LILRA4: variants seen among roughly 807,000 people sequenced by gnomAD.
LILRA4 encodes leukocyte immunoglobulin-like receptor subfamily A member 4.
A neutral mutation model predicts 49.5 loss-of-function variants in LILRA4; 51 were observed. The ratio of observed to expected loss-of-function variants is 1.03; its 90% CI spans 0.82 to 1.30. The LOEUF (loss-of-function observed/expected upper bound fraction) is 1.30. LILRA4 is among the 50% of genes most tolerant of loss of function. LILRA4 has a pLI of 0.00. For synonymous variants in LILRA4, 272 were observed against 265.6 expected, an observed-to-expected ratio of 1.02 and a Z score of -0.23; for missense variants, 624 against 625.6, an observed-to-expected ratio of 1.00 and a Z score of 0.03.
intron 1 of LILRA4, 69 bp from the exon 2 acceptor site, chr19:54,338,970 C>G (rs2081362624): frequency 5.6e-6 from 9 of 1,612,904 alleles, no homozygotes; most frequent in Non-Finnish European, 7.6e-6. Context: ...TTCCTTGAGC[C>G]CCTGGGATGC....
At position 54,338,289 on chromosome 19, in the gene LILRA4, T is replaced by C. The variant is rs1003612855; in HGVS notation, c.356-54A>G. On this transcript the variant is annotated intron_variant, in intron 3 of 7. Coordinates refer to ENST00000291759, the MANE Select transcript of LILRA4 (RefSeq NM_012276.5). Reference sequence around the variant, plus strand: ...TTAAATGGGGCTCACACCTCCCACCTTATCCTACAAGGCTGGGCTGTGAGA... The same window carrying C: ...TTAAATGGGGCTCACACCTCCCACCCTATCCTACAAGGCTGGGCTGTGAGA... 1.1e-5 allele frequency: 18 copies of C among 1,592,632 alleles called. No homozygotes were observed. In the African/African-American group the frequency reaches 1.9e-4, roughly 17 times the overall value.
intron 6 of LILRA4, chr19:54,334,430 C>T: frequency 6.2e-6 from 1 of 161,696 alleles, no homozygotes. Flanking sequence ...TGCAACGGCC[C>T]CCACTGTGTG....
At chr19:54,338,945 G>A in intron 1 of LILRA4, 44 bp from the exon 2 acceptor site, 1 of 1,613,946 alleles carries the variant, frequency 6.2e-7, no homozygotes, top group East Asian at 2.2e-5. Flanking sequence ...CGAAGCCTGA[G>A]CAGGTCTTCT....
chr19:54,339,041 C>A lies in LILRA4; in HGVS notation c.34+19G>T. On this transcript the variant is annotated intron_variant, in intron 1 of 7. Transcript: ENST00000291759. ...TCTCTCCTAGACTAGGGTCTCTCCTCCCCCTCTTAAGATCTCACCAAAGAA... is the reference window on the plus strand; with the variant it reads ...TCTCTCCTAGACTAGGGTCTCTCCTACCCCTCTTAAGATCTCACCAAAGAA... The A allele has an allele frequency of 6.2e-7, 1 of 1,614,034 alleles. No individual in the cohort carries two copies. Among genetic ancestry groups the A allele is most frequent in the Non-Finnish European group, 8.5e-7 (1 of 1,179,874 alleles).
chr19:54,336,438 C>G (rs2122185010), intron 6 of LILRA4: 1 of 251,862 alleles, frequency 4.0e-6, no homozygotes, highest in Non-Finnish European at 7.6e-6. Context: ...CTAATCTCAT[C>G]TCCTCCAAGG....
At chr19:54,336,468 A>T in intron 6 of LILRA4, 1 of 316,730 alleles carries the variant, frequency 3.2e-6, no homozygotes, top group Non-Finnish European at 5.8e-6. Flanking sequence ...ACCTGCTTGC[A>T]GCCCTCTCCA....
chr19:54,333,997 A>G (rs770301283), intron 6 of LILRA4, 32 bp from the exon 7 acceptor site: 1 of 1,588,926 alleles, frequency 6.3e-7, no homozygotes, highest in Non-Finnish European at 8.6e-7. Flanking sequence ...TGTTGGTGAG[A>G]AGCTGAAGAG....
intron 6 of LILRA4, chr19:54,336,380 G>A: frequency 5.1e-6 from 1 of 197,662 alleles, no homozygotes; most frequent in African/African-American, 2.3e-5. Flanking sequence ...TTCTGAGATG[G>A]AGACATCAGG....
At chr19:54,333,807 T>G (rs2081296236) in intron 7 of LILRA4, 42 bp from the exon 8 acceptor site, 1 of 1,613,290 alleles carries the variant, frequency 6.2e-7, no homozygotes, top group African/African-American at 1.3e-5. Context: ...TCAGGGCAGA[T>G]CACAATTACC....
In LILRA4 at chr19:54,337,460, C is replaced by A. The variant is rs146016522; in HGVS notation, c.892G>T (p.Ala298Ser). The A allele has an allele frequency of 5.6e-6, 9 of 1,611,888 alleles. No homozygotes were observed. The highest frequency in any genetic ancestry group is 8.5e-7 in the Non-Finnish European group (1 of 1,179,844). Residue 298 changes from alanine to serine, a missense_variant, in exon 5 of 8, where the codon GCA becomes TCA. Physicochemically the swap from Ala to Ser is moderately conservative, Grantham distance 99 (BLOSUM62 1). Coordinates refer to ENST00000291759, the MANE Select transcript of LILRA4 (RefSeq NM_012276.5). ...GACCACTCGGAGGAGACGTTGTGTG[C>A]GCCGTAGCATCTGTACTGGCCCCCG... ...SYGGQYRCYGAHNVSSEWSAP... is the reference protein window; with the variant it reads ...SYGGQYRCYGSHNVSSEWSAP...
Position 54,334,119 on chromosome 19 carries a change from T to C in LILRA4, c.1256-154A>G, listed in dbSNP as rs140493516. 328 of 634,926 alleles carry C rather than the reference T, an allele frequency of 5.2e-4. No homozygotes were observed. The African/African-American group carries it at 5.5e-3, about 11-fold the overall frequency. 39.3% of individuals were successfully genotyped at this position (634,926 alleles called of 1,614,324 possible). On this transcript the variant is annotated intron_variant, in intron 6 of 7. Transcript: ENST00000291759. ...CTCACAGGCCTCCCCTGGTACGTCA[T>C]TGGGTTTTTCAACCTCTCTGTGCTC... is the stretch of plus-strand genomic sequence containing the variant.
Position 54,338,513 on chromosome 19 carries a change from T to C in LILRA4, c.238A>G (p.Lys80Glu), listed in dbSNP as rs1452224666. 6.2e-7 allele frequency: 1 copy of C among 1,614,130 alleles called. No homozygotes were observed. The highest frequency in any genetic ancestry group is 1.7e-5 in the Admixed American group (1 of 60,020). Reference sequence around the variant, plus strand: ...ATGGATGGGATGGAGAGTTTGACCTTGTTTTCAGACTCCAGTGTTTTTAAT... The same window carrying C: ...ATGGATGGGATGGAGAGTTTGACCTCGTTTTCAGACTCCAGTGTTTTTAAT... ...HILKTLESEN[K>E]VKLSIPSMMW... Residue 80 changes from lysine to glutamate, a missense_variant, in exon 3 of 8, where the codon AAG becomes GAG. Physicochemically the swap from Lys to Glu is moderately conservative, Grantham distance 56 (BLOSUM62 1). Transcript: ENST00000291759.
intron 6 of LILRA4, chr19:54,336,429 T>TTAAAA: frequency 1.6e-5 from 4 of 250,598 alleles, no homozygotes; most frequent in South Asian, 8.0e-5. Context: ...ACCCTCAGTC[T>TTAAAA]AATCTCATCT....
rs144561009 is a variant in LILRA4 at position 54,336,900 on chromosome 19, C to T, written c.1196G>A (p.Arg399His). The T allele has an allele frequency of 2.2e-3, 3,342 of 1,507,706 alleles. 2 individuals are homozygous for T. The highest frequency in any genetic ancestry group is 0.016 in the African/African-American group (1,058 of 65,276). The allele number at this position is 1,507,706 out of a possible 1,614,324, so 93.4% of individuals were successfully genotyped here. A position where few individuals can be genotyped will look rare whatever the true frequency, so the allele number is the denominator to read the frequency against. ...HAGTYRCYGS[R>H]SSNPYLLSHP... The stretch of plus-strand genomic sequence containing the variant: ...AGACAGCAGGTAGGGGTTGGAGCTG[C>T]GTGAGCCGTAGCACCTGTAGGTCCC... Residue 399 changes from arginine to histidine, a missense_variant, in exon 6 of 8, where the codon CGC becomes CAC. Coordinates refer to ENST00000291759, the MANE Select transcript of LILRA4 (RefSeq NM_012276.5).
chr19:54,336,548 C>T (rs966394281), intron 6 of LILRA4: 1 of 565,946 alleles, frequency 1.8e-6, no homozygotes, highest in African/African-American at 1.9e-5. Context: ...TCCACACTCC[C>T]ATAGGCTGGA....
rs139857472 is a variant in LILRA4, at chr19:54,333,718, C to T, written c.1354G>A (p.Val452Met). The change falls in exon 8 of 8, where the codon GTG becomes ATG. Residue 452 changes from valine (V) to methionine (M), a missense_variant. By Grantham distance (21) the Val-to-Met change is conservative. Transcript: ENST00000291759. ...YTVENLIRMG[V>M]AGLVLLFLGI... ...AGGAACAGCAGGACCAAGCCAGCCACACCCATGCGGATGAGATTCTCCACT... is the reference window on the plus strand; with the variant it reads ...AGGAACAGCAGGACCAAGCCAGCCATACCCATGCGGATGAGATTCTCCACT... 2.6e-3 allele frequency: 4,148 copies of T among 1,614,134 alleles called. 12 individuals carry two copies. Among genetic ancestry groups the T allele is most frequent in the Non-Finnish European group, 3.0e-3 (3,544 of 1,180,014 alleles).
In LILRA4 at chr19:54,338,521, G is replaced by C; in HGVS notation, c.230C>G (p.Ser77Cys). 6.2e-7 allele frequency: 1 copy of C among 1,614,132 alleles called. No individual in the cohort carries two copies. ...MSRHILKTLE[S>C]ENKVKLSIPS... ...GATGGAGAGTTTGACCTTGTTTTCAGACTCCAGTGTTTTTAATATGTGCCT... is the reference window on the plus strand; with the variant it reads ...GATGGAGAGTTTGACCTTGTTTTCACACTCCAGTGTTTTTAATATGTGCCT... The change falls in exon 3 of 8, where the codon TCT becomes TGT. Residue 77 changes from serine to cysteine, a missense_variant. Ser to Cys is a moderately radical substitution (Grantham distance 112). Coordinates refer to ENST00000291759, the MANE Select transcript of LILRA4 (RefSeq NM_012276.5).
chr19:54,338,545 C>T lies in LILRA4; in HGVS notation c.206G>A (p.Arg69Lys), dbSNP rs373673756. ...AGACTCCAGTGTTTTTAATATGTGC[C>T]TCGACATTGAGTTTCCCTCTTTATC... Reference protein sequence around the residue: ...RLDKEGNSMSRHILKTLESEN... With the variant: ...RLDKEGNSMSKHILKTLESEN... The change falls in exon 3 of 8, where the codon AGG (arginine) becomes AAG (lysine). Residue 69 changes from arginine (R) to lysine (K), a missense_variant. Transcript: ENST00000291759. 1.0e-4 allele frequency: 164 copies of T among 1,614,034 alleles called. No homozygotes were observed. The highest frequency in any genetic ancestry group is 1.8e-4 in the Admixed American group (11 of 59,998).
At chr19:54,337,726 G>A (rs1327548598) in intron 4 of LILRA4, 30 bp from the exon 5 acceptor site, 4 of 1,600,544 alleles carry the variant, frequency 2.5e-6, no homozygotes, top group Admixed American at 1.7e-5. Context: ...GGGACTCGGA[G>A]CGGCTGGTTC....
Sources: allele counts gnomAD v4.1 joint callset, GRCh38; gene constraint gnomAD v4.1.1; transcripts MANE v1.5; gene names NCBI Gene and HGNC (gene_info 2026-07-23, HGNC 2026-07-21).